ABCG1: variants seen among roughly 807,000 people sequenced by gnomAD.
ABCG1 encodes ATP-binding cassette sub-family G member 1.
ABCG1 carries 29 observed loss-of-function variants against 69.2 expected under a neutral mutation model. The observed-to-expected ratio is 0.42, with a 90% confidence interval of 0.31 to 0.57. The LOEUF (loss-of-function observed/expected upper bound fraction) is 0.57. ABCG1 is among the 20% of genes least tolerant of loss of function. ABCG1 has a pLI of 0.15. For missense variants in ABCG1, 718 were observed against 898.1 expected (o/e 0.80, Z 2.56); for synonymous variants, 370 against 374.8 (o/e 0.99, Z 0.15).
intron 2 of ABCG1, among the ~76,000 whole-genome samples, chr21:42,254,172 ATCCTTGGCTGTGGCCG>A (rs544290628): frequency 5.6e-4 from 86 of 152,318 alleles, no homozygotes; most frequent in African/African-American, 2.1e-3. Flanking sequence ...CAAGAAAACA[ATCCTTGGCTGTGGCCG>A]GGTGACCATG....
intron 5 of ABCG1, 98 bp from the exon 6 acceptor site, chr21:42,282,176 G>A: frequency 6.6e-7 from 1 of 1,516,686 alleles, no homozygotes; most frequent in South Asian, 1.3e-5. Context: ...GGTGTGTCCA[G>A]CAGGCTGAGG....
chr21:42,204,735 G>A (rs113406750), intron 2 of ABCG1, among the ~76,000 whole-genome samples: 14 of 152,266 alleles, frequency 9.2e-5, no homozygotes, highest in African/African-American at 3.4e-4. Flanking sequence ...GAGTGCAGTG[G>A]CTATTCACAG....
exon 2 of ABCG1, chr21:42,201,601 T>A (rs1466554321): frequency 6.4e-7 from 1 of 1,555,140 alleles, no homozygotes; most frequent in Non-Finnish European, 8.7e-7. Context: ...GAACTTCGCT[T>A]CCTGAGACCT....
chr21:42,226,033 G>A (rs1437478586), intron 2 of ABCG1, 119 bp downstream of exon 2: 29 of 1,163,026 alleles, frequency 2.5e-5, no homozygotes, highest in East Asian at 9.4e-5. Flanking sequence ...TCCCAACGCC[G>A]TCACTGCTGT....
intron 2 of ABCG1, among the ~76,000 whole-genome samples, chr21:42,230,969 T>G (rs1452095480): frequency 6.6e-6 from 1 of 152,196 alleles, no homozygotes; most frequent in African/African-American, 2.4e-5. Context: ...AGTGCTTAGC[T>G]CTGACGTGGG....
Position 42,291,632 on chromosome 21 carries a change from C to T in ABCG1, c.1629C>T (p.Ile543=), listed in dbSNP as rs750484354. ...SLVAQSLGLL[I]GAASTSLQVA... is the part of the protein sequence containing the mutation. ...TGGCACAGTCCCTGGGCCTGCTGATCGGAGCCGCCTCCACGTCCCTGCAGG... is the reference window on the plus strand; with the variant it reads ...TGGCACAGTCCCTGGGCCTGCTGATTGGAGCCGCCTCCACGTCCCTGCAGG... Residue 543 remains isoleucine (I), a synonymous_variant, in exon 13 of 15, where the codon ATC becomes ATT. Transcript: ENST00000398449. This position sits in a 1 kb window ranked among gnomAD's most constrained non-coding sequence, Gnocchi z 6.4. 9.1e-5 allele frequency: 146 copies of T among 1,605,624 alleles called. No homozygotes were observed. The highest frequency in any genetic ancestry group is 5.0e-4 in the Middle Eastern group (3 of 6,054).
At chr21:42,259,414 G>T in intron 2 of ABCG1, 2 of 1,550,018 alleles carry the variant, frequency 1.3e-6, no homozygotes, top group Non-Finnish European at 1.7e-6. Flanking sequence ...GAAAATGTCT[G>T]TGATTCAGCT....
intron 14 of ABCG1, chr21:42,294,936 TCG>T (rs1192094275): frequency 1.3e-5 from 5 of 398,344 alleles, no homozygotes; most frequent in Non-Finnish European, 1.9e-5. Context: ...AGAGCTGCCT[TCG>T]GTGGAAGCGC....
At chr21:42,234,232 A>C (rs1198530901) in intron 2 of ABCG1, among the ~76,000 whole-genome samples, 1 of 152,118 alleles carries the variant, frequency 6.6e-6, no homozygotes, top group Non-Finnish European at 1.5e-5. Context: ...CAGGTCCAGG[A>C]CTGGACTTAA....
At chr21:42,290,304 A>G in intron 11 of ABCG1, 86 bp downstream of exon 11, 1 of 1,434,584 alleles carries the variant, frequency 7.0e-7, no homozygotes, top group Non-Finnish European at 9.5e-7. Flanking sequence ...TGACCAACAG[A>G]TGAGTTTTCT....
chr21:42,277,053 T>G, intron 5 of ABCG1, 108 bp downstream of exon 5: 2 of 1,247,060 alleles, frequency 1.6e-6, no homozygotes, highest in Non-Finnish European at 2.3e-6. Flanking sequence ...TGTTGATTTG[T>G]TTTTGCCTTG....
At chr21:42,265,738 A>T (rs1354757272) in intron 2 of ABCG1, among the ~76,000 whole-genome samples, 1 of 152,086 alleles carries the variant, frequency 6.6e-6, no homozygotes, top group Non-Finnish European at 1.5e-5. Flanking sequence ...CCAGATGTGC[A>T]CCTCTGGTCC....
chr21:42,279,185 G>T (rs1328961178), intron 5 of ABCG1, among the ~76,000 whole-genome samples: 13 of 152,074 alleles, frequency 8.5e-5, no homozygotes, highest in Non-Finnish European at 1.5e-4. Flanking sequence ...AGGGGCGGCT[G>T]TGGGGGCTCC....
Position 42,291,808 on chromosome 21 carries a change from G to A in ABCG1, c.1653+152G>A, listed in dbSNP as rs1158821006. 7.0e-6 allele frequency: 7 copies of A among 996,332 alleles called. No individual in the cohort carries two copies. Among genetic ancestry groups the A allele is most frequent in the African/African-American group, 3.3e-5 (2 of 61,156 alleles). 61.7% of individuals were successfully genotyped at this position (996,332 alleles called of 1,614,324 possible). ...TCCCACGGGAAGGGCCCGCATTGTC[G>A]AGGGTCAGGATCAGCTGGCTTCCAC... On this transcript the variant is annotated intron_variant, in intron 13 of 14. Coordinates refer to ENST00000398449, the MANE Select transcript of ABCG1 (RefSeq NM_016818.3). This position sits in a 1 kb window ranked among gnomAD's most constrained non-coding sequence, Gnocchi z 6.4.
intron 2 of ABCG1, among the ~76,000 whole-genome samples, chr21:42,240,259 G>A (rs1160952036): frequency 2.0e-5 from 3 of 152,174 alleles, no homozygotes; most frequent in East Asian, 1.9e-4. Flanking sequence ...ACAGGTGGGC[G>A]ATGAGTTCAA....
In ABCG1 at chr21:42,267,276, T is replaced by C. The variant is rs187209706; in HGVS notation, c.287-3794T>C. On this transcript the variant is annotated intron_variant, in intron 2 of 14. Coordinates refer to ENST00000398449, the MANE Select transcript of ABCG1 (RefSeq NM_016818.3). ...TGTCTGGTCTGAGGCTCTGGTCTGG[T>C]TTGGGTTCTGTCTGGGTTCTGTCTA... Among the ~76,000 whole-genome samples the C allele has an allele frequency of 2.0e-3, 303 of 152,246 alleles. 1 individual carries two copies. Among genetic ancestry groups the C allele is most frequent in the African/African-American group, 6.7e-3 (278 of 41,556 alleles).
intron 2 of ABCG1, among the ~76,000 whole-genome samples, chr21:42,268,379 G>GTGTGTT (rs2068553104): frequency 7.3e-6 from 1 of 137,508 alleles, no homozygotes; most frequent in South Asian, 2.1e-4. Context: ...GTGTGTGTGT[G>GTGTGTT]TGTGTGTGTG....
intron 13 of ABCG1, among the ~76,000 whole-genome samples, chr21:42,293,251 T>C (rs1473124336): frequency 1.2e-5 from 1 of 85,960 alleles, no homozygotes; most frequent in African/African-American, 7.9e-5. Flanking sequence ...CACACCACAC[T>C]ACACACCATA....
At chr21:42,205,982 T>C (rs746233931) in intron 2 of ABCG1, among the ~76,000 whole-genome samples, 1 of 152,248 alleles carries the variant, frequency 6.6e-6, no homozygotes, top group African/African-American at 2.4e-5. Context: ...TTTTAAAGTA[T>C]GTTGTTTGGA....
Sources: allele counts gnomAD v4.1 joint callset (sites outside exome capture counted in the v4.1 genomes callset), GRCh38; gene constraint gnomAD v4.1.1; non-coding constraint Gnocchi (gnomAD v3.1); transcripts MANE v1.5; gene names NCBI Gene and HGNC (gene_info 2026-07-23, HGNC 2026-07-21).